The following SLC9D1 variants were observed in gnomAD, a reference collection of about 807,000 sequenced individuals.
SLC9D1 encodes putative LAG1-interacting protein.
chr13:113,540,867 T>G, the SLC9D1 span, among the ~76,000 whole-genome samples: 5 of 152,334 alleles, frequency 3.3e-5, no homozygotes, highest in Admixed American at 2.6e-4. Flanking sequence ...TAAGTTTTTG[T>G]TACACCTTGA....
At chr13:113,525,438 A>C in the SLC9D1 span, among the ~76,000 whole-genome samples, 1 of 152,260 alleles carries the variant, frequency 6.6e-6, no homozygotes, top group Admixed American at 6.5e-5. Flanking sequence ...TTACTGGTTT[A>C]TGTATTTACT....
the SLC9D1 span, chr13:113,545,741 G>C: frequency 6.5e-6 from 1 of 152,930 alleles, no homozygotes; most frequent in Non-Finnish European, 1.5e-5. Flanking sequence ...AGGGTTGGGT[G>C]GGGGGCAGAT....
chr13:113,524,352 T>C, the SLC9D1 span, among the ~76,000 whole-genome samples: 1 of 152,254 alleles, frequency 6.6e-6, no homozygotes, highest in African/African-American at 2.4e-5. Flanking sequence ...TTTCTTTTTT[T>C]GTTGTTTTTC....
chr13:113,549,759 A>G, the SLC9D1 span: 1 of 715,884 alleles, frequency 1.4e-6, no homozygotes, highest in South Asian at 1.5e-5. Context: ...TATGTGCAGT[A>G]GACCCGGGAC....
At chr13:113,548,469 C>A in the SLC9D1 span, 12 of 1,593,988 alleles carry the variant, frequency 7.5e-6, no homozygotes, top group African/African-American at 1.4e-4. Flanking sequence ...GGCTTCCCCC[C>A]GCGGAGCGCT....
At chr13:113,497,465 T>TG in the SLC9D1 span, among the ~76,000 whole-genome samples, 1 of 147,178 alleles carries the variant, frequency 6.8e-6, no homozygotes, top group South Asian at 2.1e-4. Flanking sequence ...GTATGAGACC[T>TG]GCAGCTGTGT....
At chr13:113,543,311 G>GCC in the SLC9D1 span, among the ~76,000 whole-genome samples, 1 of 1,444 alleles carries the variant, frequency 6.9e-4, no homozygotes, top group South Asian at 0.083. Context: ...TCCTCCCCCT[G>GCC]CCCCCGCCCT....
the SLC9D1 span, chr13:113,500,010 A>C: frequency 1.3e-6 from 2 of 1,586,354 alleles, no homozygotes; most frequent in Non-Finnish European, 1.7e-6. Flanking sequence ...GAAGAGGCCA[A>C]TTCTAAGCAA....
the SLC9D1 span, chr13:113,498,287 A>G: frequency 7.7e-7 from 1 of 1,297,134 alleles, no homozygotes. Flanking sequence ...TAAGAAAGTC[A>G]TGTCCTAGCT....
chr13:113,533,989 G>T, the SLC9D1 span: 1 of 1,304,824 alleles, frequency 7.7e-7, no homozygotes, highest in South Asian at 1.3e-5. Context: ...TTATTTTATT[G>T]AGTTTTAGAG....
the SLC9D1 span, chr13:113,510,213 T>C: frequency 5.0e-6 from 8 of 1,603,918 alleles, no homozygotes; most frequent in South Asian, 5.5e-5. Flanking sequence ...CTAAAAAGTG[T>C]GTGACTCACT....
the SLC9D1 span, among the ~76,000 whole-genome samples, chr13:113,517,487 C>A: frequency 6.6e-6 from 1 of 152,184 alleles, no homozygotes; most frequent in South Asian, 2.1e-4. Context: ...CTTGGCCTCC[C>A]AAAGTGCTGG....
the SLC9D1 span, among the ~76,000 whole-genome samples, chr13:113,538,558 G>A: frequency 3.9e-5 from 6 of 152,254 alleles, no homozygotes; most frequent in Admixed American, 1.3e-4. Context: ...TGAGCCCTTG[G>A]CGCTGTCATC....
At chr13:113,532,850 G>A in the SLC9D1 span, among the ~76,000 whole-genome samples, 2 of 124,024 alleles carry the variant, frequency 1.6e-5, no homozygotes, top group East Asian at 2.6e-4. Flanking sequence ...AGTCGCAGAC[G>A]TGGGCCCTGC....
the SLC9D1 span, chr13:113,549,544 C>T: frequency 2.5e-5 from 40 of 1,613,780 alleles, no homozygotes; most frequent in South Asian, 5.5e-5. Context: ...TCTGATGGCT[C>T]GGAGATGATG....
chr13:113,520,491 A>G, the SLC9D1 span: 1 of 674,942 alleles, frequency 1.5e-6, no homozygotes, highest in Admixed American at 2.8e-5. Context: ...CTCAAAAAAA[A>G]AAAAAAAAAA....
chr13:113,506,220 AC>A, the SLC9D1 span, among the ~76,000 whole-genome samples: 1 of 50,496 alleles, frequency 2.0e-5, no homozygotes, highest in African/African-American at 1.3e-4. Flanking sequence ...GGCGTGGGCC[AC>A]GTGGCTGCCT....
the SLC9D1 span, chr13:113,524,079 G>A: frequency 4.4e-6 from 2 of 455,836 alleles, no homozygotes; most frequent in Non-Finnish European, 8.8e-6. Context: ...GGAAAAAAAA[G>A]TGTATTCTGT....
At chr13:113,497,438 G>A in the SLC9D1 span, among the ~76,000 whole-genome samples, 704 of 148,920 alleles carry the variant, frequency 4.7e-3, 4 homozygotes, top group Middle Eastern at 0.019. Flanking sequence ...GACCAGCTGT[G>A]TGTGAGACCT....
Sources: allele counts gnomAD v4.1 joint callset (sites outside exome capture counted in the v4.1 genomes callset), GRCh38; gene constraint gnomAD v4.1.1; transcripts MANE v1.5; gene names NCBI Gene and HGNC (gene_info 2026-07-23, HGNC 2026-07-21).